ERN1: variants seen among roughly 807,000 people sequenced by gnomAD.
ERN1 encodes endoplasmic reticulum to nucleus signaling 1, also known as serine/threonine-protein kinase/endoribonuclease IRE1.
In ERN1, 39 loss-of-function variants were observed where a neutral mutation model predicts 113.1. That is an observed-to-expected ratio of 0.34 (90% CI 0.27 to 0.45). ERN1 has a LOEUF of 0.45. Among genes scored for constraint, ERN1 ranks in the 20% least tolerant of loss-of-function variants. The pLI is 1.00. For missense variants in ERN1, 976 were observed against 1,274.8 expected (o/e 0.77, Z 3.57); for synonymous variants, 507 against 515.9 (o/e 0.98, Z 0.23).
At chr17:64,091,706 G>C (rs1914092911) in intron 2 of ERN1, among the ~76,000 whole-genome samples, 1 of 152,170 alleles carries the variant, frequency 6.6e-6, no homozygotes, top group Non-Finnish European at 1.5e-5. Context: ...GCCTGGTAAG[G>C]AGTTACATGG....
intron 6 of ERN1, among the ~76,000 whole-genome samples, chr17:64,070,751 T>C (rs977208078): frequency 6.6e-6 from 1 of 152,222 alleles, no homozygotes; most frequent in African/African-American, 2.4e-5. Flanking sequence ...CCTAGGTTTT[T>C]GGTATAATTT....
At chr17:64,045,760 G>GCA (rs1363486667) in intron 19 of ERN1, among the ~76,000 whole-genome samples, 1 of 152,124 alleles carries the variant, frequency 6.6e-6, no homozygotes, top group Non-Finnish European at 1.5e-5. Context: ...TTTCACATGT[G>GCA]CACACACACG....
chr17:64,077,904 C>T (rs1259124072), intron 4 of ERN1, among the ~76,000 whole-genome samples: 1 of 152,138 alleles, frequency 6.6e-6, no homozygotes, highest in East Asian at 1.9e-4. Context: ...CGCCACCGCA[C>T]CTGGCTAATT....
rs140130539 is a variant in ERN1 at position 64,127,252 on chromosome 17, T to G, written c.54+2724A>C. Among the ~76,000 whole-genome samples, 588 of 152,304 alleles carry G rather than the reference T, an allele frequency of 3.9e-3. 2 individuals carry two copies. The highest frequency in any genetic ancestry group is 0.013 in the African/African-American group (551 of 41,554). ...AATCACAGTATTGCCTCCAATGCAATAGTTACTACATCAATCAAAAAGAAA... is the reference window on the plus strand; with the variant it reads ...AATCACAGTATTGCCTCCAATGCAAGAGTTACTACATCAATCAAAAAGAAA... On this transcript the variant is annotated intron_variant, in intron 1 of 21. Coordinates refer to ENST00000433197, the MANE Select transcript of ERN1 (RefSeq NM_001433.5).
Position 64,041,467 on chromosome 17 carries a change from T to TG in ERN1, c.*2520dup, listed in dbSNP as rs1291475550. ...AGAACTTTCCACTTGCTGAGCACAGTGGGAAACCAGAATTCTCGAGACTAG... is the reference window on the plus strand; with the variant it reads ...AGAACTTTCCACTTGCTGAGCACAGTGGGGAAACCAGAATTCTCGAGACTAG... On this transcript the variant is annotated 3_prime_UTR_variant, in exon 22 of 22. Coordinates refer to ENST00000433197, the MANE Select transcript of ERN1 (RefSeq NM_001433.5). The TG allele has an allele frequency of 2.0e-5, 3 of 152,138 alleles. No individual in the cohort carries two copies. Among genetic ancestry groups the TG allele is most frequent in the African/African-American group, 7.2e-5 (3 of 41,418 alleles). 9.4% of individuals were successfully genotyped at this position (152,138 alleles called of 1,614,324 possible).
chr17:64,109,624 T>C (rs573588150), intron 1 of ERN1, among the ~76,000 whole-genome samples: 2 of 152,346 alleles, frequency 1.3e-5, no homozygotes, highest in South Asian at 2.1e-4. Flanking sequence ...AGGGACTGTT[T>C]ACTGCTTCTG....
rs993321414 is a variant in ERN1, at chr17:64,049,167, G to A, written c.2289C>T (p.Val763=). Residue 763 remains valine (V), a synonymous_variant, in exon 18 of 22, where the codon GTC becomes GTT. Coordinates refer to ENST00000433197, the MANE Select transcript of ERN1 (RefSeq NM_001433.5). The surrounding 1 kb of genome is among the most constrained non-coding windows in gnomAD (Gnocchi z 4.7). ...YTVDIFSAGC[V]FYYVISEGSH... ...TGCCCTCAGAGATTACGTAGTAAAA[G>A]ACGCAGCCTGCAGAAAAGATGTCCA... 1.4e-5 allele frequency: 22 copies of A among 1,604,296 alleles called. No homozygotes were observed. The highest frequency in any genetic ancestry group is 1.7e-5 in the Non-Finnish European group (20 of 1,172,396).
chr17:64,111,357 G>GTT (rs556113039), intron 1 of ERN1, among the ~76,000 whole-genome samples: 1,535 of 138,448 alleles, frequency 0.011, 22 homozygotes, highest in African/African-American at 0.038. Context: ...GTCATCCAAT[G>GTT]TTTTTTTTTT....
chr17:64,129,472 C>T (rs1368484616), intron 1 of ERN1: 1 of 218,218 alleles, frequency 4.6e-6, no homozygotes, highest in Non-Finnish European at 9.0e-6. Context: ...ATTCGTTCCC[C>T]AAAGTTTTCG....
At chr17:64,087,457 G>A (rs945112130) in intron 2 of ERN1, among the ~76,000 whole-genome samples, 3 of 152,146 alleles carry the variant, frequency 2.0e-5, no homozygotes, top group Non-Finnish European at 4.4e-5. Context: ...ATTGGCTAGT[G>A]GGTCCCACTT....
At chr17:64,102,312 T>G (rs772683869) in intron 1 of ERN1, among the ~76,000 whole-genome samples, 2 of 152,046 alleles carry the variant, frequency 1.3e-5, no homozygotes, top group Non-Finnish European at 2.9e-5. Context: ...ACAACACTAA[T>G]CACATGACTA....
In ERN1 at chr17:64,052,782, G is replaced by C. The variant is rs761304824; in HGVS notation, c.2251C>G (p.Pro751Ala). ...AAGGGCCATAGCCTATTACTCACAG[G>C]GTTCTCCTTACAGTCTTCGCTCAGC... ...EMLSEDCKEN[P>A]TYTVDIFSAG... Residue 751 changes from proline (P) to alanine (A), a missense_variant and splice_region_variant, in exon 17 of 22, where the codon CCT (proline) becomes GCT (alanine). Pro to Ala is a conservative substitution (Grantham distance 27). Transcript: ENST00000433197. The C allele has an allele frequency of 5.6e-6, 9 of 1,613,004 alleles. No individual in the cohort carries two copies. The Admixed American group carries it at 1.5e-4, about 27-fold the overall frequency.
At chr17:64,118,233 G>A (rs986478341) in intron 1 of ERN1, among the ~76,000 whole-genome samples, 3 of 152,130 alleles carry the variant, frequency 2.0e-5, no homozygotes, top group African/African-American at 7.2e-5. Context: ...AGCAGAGGGG[G>A]AAATAACTCA....
rs187081007 is a variant in ERN1, at chr17:64,107,213, G to C, written c.55-8972C>G. On this transcript the variant is annotated intron_variant, in intron 1 of 21. Transcript: ENST00000433197. ...TCAATGATTAAAGCAAGCCCTCAGA[G>C]TAAAAGCCTCACAATGATCAGGAGG... 2.1e-3 allele frequency among the ~76,000 whole-genome samples: 327 copies of C among 152,256 alleles called. 4 individuals are homozygous for C. Among genetic ancestry groups the C allele is most frequent in the African/African-American group, 7.6e-3 (314 of 41,548 alleles).
intron 6 of ERN1, among the ~76,000 whole-genome samples, chr17:64,069,297 A>T (rs1473612045): frequency 2.0e-5 from 3 of 152,208 alleles, no homozygotes. Context: ...ATAAATTATA[A>T]TTTGACACAT....
chr17:64,130,122 G>A lies in ERN1; in HGVS notation c.-93C>T. 1 of 1,182,232 alleles carries A rather than the reference G, an allele frequency of 8.5e-7. No homozygotes were observed. Among genetic ancestry groups the A allele is most frequent in the Admixed American group, 4.2e-5 (1 of 23,700 alleles). The allele number at this position is 1,182,232 out of a possible 1,614,324, so 73.2% of individuals were successfully genotyped here. ...AGCGAGGCGGTGACCGAGCCTCAGC[G>A]GACGCAGAACTGACTAGGCAGCGGC... On this transcript the variant is annotated 5_prime_UTR_variant, in exon 1 of 22. Transcript: ENST00000433197. This position sits in a 1 kb window ranked among gnomAD's most constrained non-coding sequence, Gnocchi z 4.0.
intron 8 of ERN1, among the ~76,000 whole-genome samples, chr17:64,065,779 G>C (rs571127891): frequency 2.2e-4 from 33 of 152,246 alleles, no homozygotes; most frequent in African/African-American, 7.9e-4. Context: ...TGGATGCTGA[G>C]AGCAAAAGGG....
At chr17:64,079,314 C>T (rs1913694236) in intron 4 of ERN1, among the ~76,000 whole-genome samples, 1 of 152,268 alleles carries the variant, frequency 6.6e-6, no homozygotes, top group East Asian at 1.9e-4. Flanking sequence ...GAAGGTGGGG[C>T]AGGTGGAGAC....
intron 4 of ERN1, among the ~76,000 whole-genome samples, chr17:64,077,408 C>A (rs1913626387): frequency 6.6e-6 from 1 of 150,844 alleles, no homozygotes; most frequent in African/African-American, 2.4e-5. Context: ...AAACAGAAGC[C>A]CCCCTCCTCT....
Sources: allele counts gnomAD v4.1 joint callset (sites outside exome capture counted in the v4.1 genomes callset), GRCh38; gene constraint gnomAD v4.1.1; non-coding constraint Gnocchi (gnomAD v3.1); transcripts MANE v1.5; gene names NCBI Gene and HGNC (gene_info 2026-07-23, HGNC 2026-07-21).